TLK1: variants seen among roughly 807,000 people sequenced by gnomAD.
TLK1 encodes the protein serine/threonine-protein kinase tousled-like 1.
Under a neutral mutation model 105.3 loss-of-function variants are expected in TLK1, and 24 were observed. The observed-to-expected ratio is 0.23, with a 90% CI of 0.17 to 0.32. The LOEUF (loss-of-function observed/expected upper bound fraction) is 0.32, where lower values mean the gene tolerates loss of function less well. TLK1 is among the 10% of genes least tolerant of loss of function. The pLI, the probability that TLK1 is intolerant of heterozygous loss-of-function variation, is 1.00. For synonymous variants in TLK1, 321 were observed against 310.4 expected (o/e 1.03, Z -0.36); for missense variants, 558 against 910.5 (o/e 0.61, Z 4.98).
intron 12 of TLK1, among the ~76,000 whole-genome samples, chr2:171,022,086 A>ACACACACACACACACACAC (rs1553605633): frequency 9.7e-6 from 1 of 103,010 alleles, no homozygotes; most frequent in Non-Finnish European, 2.2e-5. Flanking sequence ...CTGGGCGAAA[A>ACACACACACACACACACAC]ACACACACAC....
In TLK1 at chr2:171,217,510, G is replaced by A. The variant is rs150543492; in HGVS notation, c.-6+13635C>T. On this transcript the variant is annotated intron_variant, in intron 1 of 20. Coordinates refer to the TLK1 transcript ENST00000521943. ...TTCCTTGCCCCCCTCTGGTGGAGGC[G>A]CTAATGAATGGAGAAGGGTATGAAA... 3.3e-5 allele frequency among the ~76,000 whole-genome samples: 5 copies of A among 152,250 alleles called. No homozygotes were observed. In the East Asian group the frequency reaches 5.8e-4, roughly 18 times the overall value.
In TLK1 at chr2:171,009,167, T is replaced by C. The variant is rs117528924; in HGVS notation, c.1417-2104A>G. ...GCTTATCTAAGTTAACAAAAAATAG[T>C]GCATGGTTGAACTGATACCAGAACT... On this transcript the variant is annotated intron_variant, in intron 14 of 20. Transcript: ENST00000431350. Among the ~76,000 whole-genome samples the C allele has an allele frequency of 2.6e-4, 40 of 152,190 alleles. No homozygotes were observed. In the East Asian group the frequency reaches 7.3e-3, roughly 28 times the overall value.
rs548255917 is a variant in TLK1, at chr2:171,077,710, T to C, written c.330+5071A>G. 1.2e-4 allele frequency among the ~76,000 whole-genome samples: 19 copies of C among 152,376 alleles called. 1 individual carries two copies. In the South Asian group the frequency reaches 3.9e-3, roughly 32 times the overall value. On this transcript the variant is annotated intron_variant, in intron 3 of 20. Transcript: ENST00000431350. ...AATTGTTAAGGACCCCAAAGAGCTT[T>C]TATTTACATGTGTATAACTATCGAT...
At chr2:171,025,064 C>T (rs1685710796) in intron 12 of TLK1, among the ~76,000 whole-genome samples, 1 of 152,054 alleles carries the variant, frequency 6.6e-6, no homozygotes, top group Admixed American at 6.5e-5. Flanking sequence ...ACTAGAAACA[C>T]CTATTTATTT....
chr2:170,998,581 G>A (rs995252914), intron 18 of TLK1, among the ~76,000 whole-genome samples: 3 of 152,018 alleles, frequency 2.0e-5, no homozygotes, highest in African/African-American at 7.3e-5. Flanking sequence ...CTCCCCAGGT[G>A]GCTCTGCTTT....
At chr2:171,029,946 A>G (rs1685959583) in intron 11 of TLK1, among the ~76,000 whole-genome samples, 1 of 152,156 alleles carries the variant, frequency 6.6e-6, no homozygotes, top group South Asian at 2.1e-4. Flanking sequence ...GAGTTTTGCC[A>G]TGTTGGCCAG....
intron 1 of TLK1, among the ~76,000 whole-genome samples, chr2:171,183,905 G>A (rs1204985482): frequency 1.3e-5 from 2 of 152,032 alleles, no homozygotes; most frequent in Non-Finnish European, 2.9e-5. Flanking sequence ...CCACAGAGTT[G>A]TCCATGCCAT....
At chr2:171,182,813 C>T (rs1177398793) in intron 1 of TLK1, among the ~76,000 whole-genome samples, 1 of 150,892 alleles carries the variant, frequency 6.6e-6, no homozygotes, top group African/African-American at 2.4e-5. Flanking sequence ...CCCAGCTCAT[C>T]CAGAGGTTGA....
chr2:171,134,579 A>G (rs1691229036), intron 1 of TLK1, among the ~76,000 whole-genome samples: 1 of 152,008 alleles, frequency 6.6e-6, no homozygotes, highest in African/African-American at 2.4e-5. Flanking sequence ...AACTGAAATC[A>G]TTATGTTAAG....
At chr2:171,001,999 G>A (rs533999987) in intron 18 of TLK1, among the ~76,000 whole-genome samples, 32 of 151,846 alleles carry the variant, frequency 2.1e-4, no homozygotes, top group African/African-American at 6.0e-4. Context: ...GGATGGTCTC[G>A]ATCTCTTGAC....
chr2:171,063,684 C>A lies in TLK1; in HGVS notation c.331-2528G>T, dbSNP rs147250624. On this transcript the variant is annotated intron_variant, in intron 3 of 20. Transcript: ENST00000431350. ...TTCTGTACCATTTTCTAAAGTATAT[C>A]CTAAGGAACTAGTGTTCAATGGTAG... Among the ~76,000 whole-genome samples, 3 of 152,148 alleles carry A rather than the reference C, an allele frequency of 2.0e-5. No homozygotes were observed. The East Asian group carries it at 5.8e-4, about 29-fold the overall frequency.
intron 13 of TLK1, among the ~76,000 whole-genome samples, chr2:171,012,617 T>TA (rs1684972907): frequency 6.6e-6 from 1 of 152,134 alleles, no homozygotes; most frequent in Admixed American, 6.5e-5. Flanking sequence ...TAGCTAAGAC[T>TA]ATAGGCATGT....
At position 170,991,900 on chromosome 2, in the gene TLK1, T is replaced by G. The variant is rs549702381; in HGVS notation, c.*1880A>C. 7 of 41,096 alleles carry G rather than the reference T, an allele frequency of 1.7e-4. No individual in the cohort carries two copies. Among genetic ancestry groups the G allele is most frequent in the Admixed American group, 1.4e-3 (4 of 2,958 alleles). 2.5% of individuals were successfully genotyped at this position (41,096 alleles called of 1,614,324 possible). A position where few individuals can be genotyped will look rare whatever the true frequency, so the allele number is the denominator to read the frequency against. ...GCTAAGATTTCATTACCATGTAGTA[T>G]TTTTTTTTTAATAGGATTTCTCTGT... On this transcript the variant is annotated 3_prime_UTR_variant, in exon 21 of 21. Transcript: ENST00000431350.
intron 7 of TLK1, 139 bp downstream of exon 7, chr2:171,054,944 T>G: frequency 2.2e-6 from 1 of 449,866 alleles, no homozygotes; most frequent in East Asian, 3.7e-5. Context: ...TTCTGTTGTT[T>G]TTGTTTAGTA....
chr2:171,031,456 C>T (rs934841794), intron 11 of TLK1, among the ~76,000 whole-genome samples: 3 of 151,994 alleles, frequency 2.0e-5, no homozygotes, highest in African/African-American at 7.2e-5. Flanking sequence ...AACCTGCCCT[C>T]TCAAACAATT....
chr2:171,200,985 C>A (rs1399751877), intron 1 of TLK1, among the ~76,000 whole-genome samples: 1 of 151,264 alleles, frequency 6.6e-6, no homozygotes, highest in Non-Finnish European at 1.5e-5. Flanking sequence ...GGGTTCAAAC[C>A]ATTCTCCTGC....
chr2:171,046,605 A>C (rs1162965603), intron 10 of TLK1, among the ~76,000 whole-genome samples: 1 of 152,054 alleles, frequency 6.6e-6, no homozygotes, highest in Non-Finnish European at 1.5e-5. Context: ...ATTTCATGGG[A>C]TCTTCTATCT....
intron 12 of TLK1, among the ~76,000 whole-genome samples, chr2:171,017,209 G>T (rs1471498541): frequency 2.0e-5 from 3 of 152,112 alleles, no homozygotes; most frequent in East Asian, 1.9e-4. Flanking sequence ...GAGTATGAAA[G>T]AATTTAAATT....
rs572425550 is a variant in TLK1 at position 171,128,492 on chromosome 2, T to C, written c.140-10635A>G. 5.3e-5 allele frequency among the ~76,000 whole-genome samples: 8 copies of C among 152,288 alleles called. No individual in the cohort carries two copies. In the South Asian group the frequency reaches 1.7e-3, roughly 32 times the overall value. On this transcript the variant is annotated intron_variant, in intron 1 of 20. Coordinates refer to ENST00000431350, the MANE Select transcript of TLK1 (RefSeq NM_012290.5). ...TGTCACTTAGAAAGCATTCAATAAA[T>C]GTGAACATATATGTATGCTAAAATA...
Sources: gnomAD v4.1 joint callset for allele counts (sites outside exome capture counted in the v4.1 genomes callset) on GRCh38, gnomAD v4.1.1 for gene constraint, MANE v1.5 for transcripts, NCBI Gene and HGNC (gene_info 2026-07-23, HGNC 2026-07-21) for gene names.